The following ANK2 variants were observed in gnomAD, a reference collection of about 807,000 sequenced individuals.
The protein encoded by ANK2 is ankyrin 2, also known as ankyrin-2.
Under a neutral mutation model 360.5 loss-of-function variants are expected in ANK2, and 83 were observed. That is an observed-to-expected ratio of 0.23 (90% CI 0.19 to 0.28). The LOEUF is 0.28. Ranked by LOEUF, ANK2 falls within the 10% of genes least tolerant of loss-of-function variation. The pLI, the probability that ANK2 is intolerant of heterozygous loss-of-function variation, is 1.00. For synonymous variants in ANK2, 1,740 were observed against 1,759.5 expected, an observed-to-expected ratio of 0.99 and a Z score of 0.28; for missense variants, 4,201 against 4,795.7, an observed-to-expected ratio of 0.88 and a Z score of 3.66.
the ANK2 span, among the ~76,000 whole-genome samples, chr4:112,805,267 AT>A: frequency 6.6e-6 from 1 of 152,326 alleles, no homozygotes; most frequent in East Asian, 1.9e-4. Flanking sequence ...TGCCAGAGAA[AT>A]GGGAAATTCT....
intron 45 of ANK2, among the ~76,000 whole-genome samples, chr4:113,380,184 G>T (rs150316572): frequency 6.6e-6 from 1 of 152,128 alleles, no homozygotes; most frequent in Admixed American, 6.5e-5. Flanking sequence ...AGTGAAAAAG[G>T]CTGCTCTGCC....
At chr4:113,219,372 AAATT>A (rs1239845759) in intron 4 of ANK2, among the ~76,000 whole-genome samples, 9 of 151,910 alleles carry the variant, frequency 5.9e-5, no homozygotes, top group African/African-American at 1.7e-4. Flanking sequence ...TTTATTATTT[AAATT>A]AATTATGCAT....
At chr4:113,107,971 T>C (rs1437819642) in intron 1 of ANK2, among the ~76,000 whole-genome samples, 4 of 152,208 alleles carry the variant, frequency 2.6e-5, no homozygotes, top group Admixed American at 2.6e-4. Context: ...ATAAAAAAGA[T>C]GGTTAAAGTG....
intron 1 of ANK2, among the ~76,000 whole-genome samples, chr4:112,843,094 C>T (rs183696779): frequency 1.4e-4 from 21 of 152,300 alleles, no homozygotes; most frequent in Non-Finnish European, 2.4e-4. Flanking sequence ...ATTGGGTCCA[C>T]CTGGACAATC....
the ANK2 span, among the ~76,000 whole-genome samples, chr4:112,781,419 T>C: frequency 0.029 from 4,374 of 152,254 alleles, 142 homozygotes; most frequent in African/African-American, 0.071. Flanking sequence ...ACTTTCCTTA[T>C]TGAATTTCTG....
At position 113,353,838 on chromosome 4, in the gene ANK2, C is replaced by A. The variant is rs979042043; in HGVS notation, c.5220C>A (p.Asp1740Glu). Residue 1740 changes from aspartate (D) to glutamate (E), a missense_variant, in exon 38 of 46, where the codon GAC (aspartate) becomes GAA (glutamate). By Grantham distance (45) the Asp-to-Glu change is conservative (BLOSUM62 2). Around this residue, in one of 4 missense-constraint regions of ANK2, gnomAD observed 2,642 missense variants for 2,714.5 expected, o/e 0.97. Transcript: ENST00000357077. ...GTTCAGAAGAGTCATTAGGTGAAGACCCAGGTTTAGCCCCTGAACCCCTTC... is the reference window on the plus strand; with the variant it reads ...GTTCAGAAGAGTCATTAGGTGAAGAACCAGGTTTAGCCCCTGAACCCCTTC... ...KGSSEESLGE[D>E]PGLAPEPLPT... 2.5e-6 allele frequency: 4 copies of A among 1,613,998 alleles called. No homozygotes were observed. The highest frequency in any genetic ancestry group is 2.2e-5 in the East Asian group (1 of 44,890).
At chr4:113,312,654 A>G (rs2080711782) in intron 24 of ANK2, among the ~76,000 whole-genome samples, 1 of 152,152 alleles carries the variant, frequency 6.6e-6, no homozygotes, top group Non-Finnish European at 1.5e-5. Context: ...GAGACCAAAT[A>G]ATGAGTAACA....
chr4:113,168,260 A>C (rs1406300654), intron 1 of ANK2, among the ~76,000 whole-genome samples: 1 of 152,216 alleles, frequency 6.6e-6, no homozygotes, highest in Non-Finnish European at 1.5e-5. Context: ...TTTAGGTAGA[A>C]TTTATCTGTT....
chr4:113,275,079 T>C (rs969376010), intron 15 of ANK2, among the ~76,000 whole-genome samples: 12 of 152,198 alleles, frequency 7.9e-5, no homozygotes, highest in Admixed American at 6.5e-4. Context: ...TCAATTTACT[T>C]GTACATTTTC....
intron 5 of ANK2, 48 bp from the exon 6 acceptor site, chr4:113,236,938 CT>C (rs1344771733): frequency 1.9e-6 from 3 of 1,567,232 alleles, no homozygotes; most frequent in Non-Finnish European, 2.6e-6. Context: ...AACTAAATCT[CT>C]AGCATCTGAA....
intron 2 of ANK2, among the ~76,000 whole-genome samples, chr4:113,013,816 C>G (rs1024717609): frequency 6.6e-6 from 1 of 152,220 alleles, no homozygotes; most frequent in South Asian, 2.1e-4. Context: ...CTCGTGTTTA[C>G]TAAATATCTG....
the ANK2 span, chr4:112,788,682 T>C: frequency 1.2e-6 from 2 of 1,600,226 alleles, no homozygotes; most frequent in Non-Finnish European, 1.7e-6. Flanking sequence ...GATGGCTCTC[T>C]GCTGCTGCAA....
intron 2 of ANK2, among the ~76,000 whole-genome samples, chr4:112,938,687 A>C (rs573476661): frequency 2.4e-4 from 37 of 152,342 alleles, no homozygotes; most frequent in Admixed American, 4.6e-4. Flanking sequence ...TCTAGATAGC[A>C]GAGATAAGAA....
intron 2 of ANK2, among the ~76,000 whole-genome samples, chr4:112,950,157 CCTCT>C (rs1205692566): frequency 1.3e-5 from 2 of 152,012 alleles, no homozygotes; most frequent in African/African-American, 4.8e-5. Context: ...TTCTTACCTG[CCTCT>C]CTCTATTTGA....
At chr4:113,055,716 G>A (rs749437641) in intron 1 of ANK2, among the ~76,000 whole-genome samples, 1 of 152,154 alleles carries the variant, frequency 6.6e-6, no homozygotes, top group Non-Finnish European at 1.5e-5. Context: ...TCATAGATGA[G>A]AAACTGGAGA....
chr4:112,902,638 G>A (rs1251229763), intron 1 of ANK2, among the ~76,000 whole-genome samples: 1 of 152,190 alleles, frequency 6.6e-6, no homozygotes, highest in Non-Finnish European at 1.5e-5. Context: ...CTAAGACACA[G>A]AGAGGATTGT....
intron 2 of ANK2, among the ~76,000 whole-genome samples, chr4:113,186,764 CTCT>C (rs1415832020): frequency 6.6e-6 from 1 of 152,098 alleles, no homozygotes; most frequent in East Asian, 1.9e-4. Context: ...ATTGGGAATT[CTCT>C]TCTTAGAAAA....
At chr4:113,317,038 G>A (rs1375888035) in intron 24 of ANK2, among the ~76,000 whole-genome samples, 2 of 152,148 alleles carry the variant, frequency 1.3e-5, no homozygotes, top group African/African-American at 2.4e-5. Flanking sequence ...ACCACACACA[G>A]GACATGCAAA....
At chr4:112,993,094 G>A (rs1328103089) in intron 2 of ANK2, among the ~76,000 whole-genome samples, 1 of 151,808 alleles carries the variant, frequency 6.6e-6, no homozygotes, top group African/African-American at 2.4e-5. Flanking sequence ...ACCAGCCTGG[G>A]CAACATAAGG....
Sources: gnomAD v4.1 joint callset for allele counts (sites outside exome capture counted in the v4.1 genomes callset) on GRCh38, gnomAD v4.1.1 for gene constraint, gnomAD v4.1.1 regional missense constraint, MANE v1.5 for transcripts, NCBI Gene and HGNC (gene_info 2026-07-23, HGNC 2026-07-21) for gene names.